The following NAV1 variants were observed in gnomAD, a reference collection of about 807,000 sequenced individuals.
The protein encoded by NAV1 is pore membrane and/or filament interacting like protein 3.
A neutral mutation model predicts 175.2 loss-of-function variants in NAV1; 18 were observed. The observed-to-expected ratio is 0.10, with a 90% CI of 0.07 to 0.15. The LOEUF is 0.15. Ranked by LOEUF, NAV1 falls within the 10% of genes least tolerant of loss-of-function variation. The pLI, the probability that NAV1 is intolerant of heterozygous loss-of-function variation, is 1.00. For synonymous variants in NAV1, 897 were observed against 978.7 expected (o/e 0.92, Z 1.56); for missense variants, 1,731 against 2,436.6 (o/e 0.71, Z 6.10).
intron 1 of NAV1, among the ~76,000 whole-genome samples, chr1:201,625,217 A>C (rs1367662549): frequency 1.3e-5 from 2 of 152,208 alleles, no homozygotes; most frequent in African/African-American, 4.8e-5. Flanking sequence ...TTGCTTTGGA[A>C]AGGAAGGCTT....
chr1:201,693,987 A>T (rs1227416603), intron 1 of NAV1, among the ~76,000 whole-genome samples: 17 of 152,230 alleles, frequency 1.1e-4, no homozygotes. Context: ...GCCTCCAGCC[A>T]GGGCTTGGTG....
At position 201,750,889 on chromosome 1, in the gene NAV1, G is replaced by A. The variant is rs1462673055; in HGVS notation, c.1227-29532G>A. On this transcript the variant is annotated intron_variant, in intron 3 of 29. Transcript: ENST00000367296. The surrounding 1 kb of genome is among the most constrained non-coding windows in gnomAD (Gnocchi z 4.1). ...CTGTATCAGAACAGGATGGAAGAAA[G>A]AGCAGGATGTTTTTATTTCTGTCTA... 6.6e-6 allele frequency among the ~76,000 whole-genome samples: 1 copy of A among 152,122 alleles called. No individual in the cohort carries two copies. Among genetic ancestry groups the A allele is most frequent in the Non-Finnish European group, 1.5e-5 (1 of 68,014 alleles).
intron 1 of NAV1, among the ~76,000 whole-genome samples, chr1:201,573,252 T>G (rs1666599698): frequency 6.6e-6 from 1 of 152,238 alleles, no homozygotes; most frequent in Admixed American, 6.5e-5. Context: ...GAGCTGACCC[T>G]GGAGTGCTGA....
chr1:201,643,232 TTC>T (rs1254679955), intron 2 of NAV1, among the ~76,000 whole-genome samples: 2 of 146,414 alleles, frequency 1.4e-5, no homozygotes, highest in Non-Finnish European at 3.0e-5. Flanking sequence ...TCCCTTTTCT[TTC>T]TTTCTTTCCT....
At chr1:201,716,927 G>T (rs749525420) in intron 2 of NAV1, among the ~76,000 whole-genome samples, 2 of 152,100 alleles carry the variant, frequency 1.3e-5, no homozygotes, top group Non-Finnish European at 2.9e-5. Context: ...GAGGGGAGCC[G>T]CTGGGCATGG....
exon 30 of NAV1, chr1:201,821,301 A>T (rs1193011360): frequency 6.6e-6 from 1 of 152,638 alleles, no homozygotes; most frequent in Non-Finnish European, 1.5e-5. Context: ...CACATATAAG[A>T]GATGAACATC....
intron 13 of NAV1, chr1:201,791,975 G>A (rs143633591): frequency 6.6e-6 from 1 of 152,134 alleles, no homozygotes; most frequent in Non-Finnish European, 1.5e-5. Flanking sequence ...GGAGATGCTG[G>A]GGGGGAGAGG....
intron 1 of NAV1, among the ~76,000 whole-genome samples, chr1:201,551,544 T>C (rs1665855450): frequency 6.6e-6 from 1 of 152,212 alleles, no homozygotes; most frequent in Admixed American, 6.5e-5. Flanking sequence ...GTGTCTTTAA[T>C]GGCTCATAGA....
At chr1:201,619,453 C>T (rs79212542), upstream of NAV1, among the ~76,000 whole-genome samples, 1,001 of 152,354 alleles carry the variant, frequency 6.6e-3, 18 homozygotes, top group African/African-American at 0.023. Context: ...TCTGGATTAT[C>T]TCACCAATAT....
chr1:201,666,259 G>A (rs1669820017), intron 1 of NAV1, among the ~76,000 whole-genome samples: 1 of 151,980 alleles, frequency 6.6e-6, no homozygotes, highest in South Asian at 2.1e-4. Flanking sequence ...ATATGTTCAG[G>A]GAATGCAAAC....
intron 2 of NAV1, among the ~76,000 whole-genome samples, chr1:201,633,952 G>A (rs1229207908): frequency 6.6e-5 from 10 of 152,168 alleles, no homozygotes; most frequent in African/African-American, 1.7e-4. Context: ...GAACTGGGAC[G>A]GGAGGTCATA....
chr1:201,574,840 G>C (rs73082597), intron 1 of NAV1, among the ~76,000 whole-genome samples: 3,970 of 152,296 alleles, frequency 0.026, 164 homozygotes, highest in African/African-American at 0.09. Context: ...TGGAAGGAAG[G>C]AGAGCTGCGG....
chr1:201,809,671 A>G lies in NAV1; in HGVS notation c.4401+134A>G. 3 of 841,704 alleles carry G rather than the reference A, an allele frequency of 3.6e-6. No homozygotes were observed. The South Asian group carries it at 5.2e-5, about 15-fold the overall frequency. 52.1% of individuals were successfully genotyped at this position (841,704 alleles called of 1,614,324 possible). ...TGATCACAGCTCACTGCAGCCTTGAACTCTTGGGCTTAAGTAATTCTCCTG... is the reference window on the plus strand; with the variant it reads ...TGATCACAGCTCACTGCAGCCTTGAGCTCTTGGGCTTAAGTAATTCTCCTG... On this transcript the variant is annotated intron_variant, in intron 22 of 29. Coordinates refer to ENST00000367296, the Ensembl canonical transcript of NAV1.
upstream of NAV1, among the ~76,000 whole-genome samples, chr1:201,620,226 G>A (rs1280009477): frequency 1.3e-5 from 2 of 152,278 alleles, no homozygotes; most frequent in East Asian, 3.9e-4. Flanking sequence ...TCCACAATAT[G>A]GAAGGGGGGA....
rs1676896362 is a variant in NAV1 at position 201,788,313 on chromosome 1, C to T, written c.2996-155C>T. On this transcript the variant is annotated intron_variant, in intron 9 of 29. Transcript: ENST00000367296. This position sits in a 1 kb window ranked among gnomAD's most constrained non-coding sequence, Gnocchi z 5.7. The stretch of plus-strand genomic sequence containing the variant: ...TAACCACCAGCTGCTTGCACACTCC[C>T]ACCACCGCACCTGCCCCTTCCTCTC... Among the ~76,000 whole-genome samples the T allele has an allele frequency of 6.6e-6, 1 of 152,098 alleles. No individual in the cohort carries two copies. Among genetic ancestry groups the T allele is most frequent in the Non-Finnish European group, 1.5e-5 (1 of 68,018 alleles).
intron 15 of NAV1, 132 bp from the exon 20 acceptor site, chr1:201,803,461 C>A: frequency 3.3e-6 from 3 of 904,674 alleles, no homozygotes; most frequent in Non-Finnish European, 4.9e-6. Context: ...ATGAATGATC[C>A]AAAAAAATGA....
chr1:201,683,927 C>T (rs1670568729), intron 1 of NAV1, among the ~76,000 whole-genome samples: 1 of 152,134 alleles, frequency 6.6e-6, no homozygotes, highest in Non-Finnish European at 1.5e-5. Context: ...TCTCTTCTCC[C>T]CCATTCATTC....
At chr1:201,697,151 G>A (rs552444949) in intron 1 of NAV1, among the ~76,000 whole-genome samples, 1 of 152,276 alleles carries the variant, frequency 6.6e-6, no homozygotes, top group Non-Finnish European at 1.5e-5. Context: ...GAGTTCCGGG[G>A]CCTTAGTCTA....
chr1:201,656,158 G>C (rs1325564596), intron 1 of NAV1, among the ~76,000 whole-genome samples: 3 of 152,236 alleles, frequency 2.0e-5, no homozygotes, highest in African/African-American at 7.2e-5. Context: ...GCAGGGTCTG[G>C]GCCTTGGCCT....
Sources: gnomAD v4.1 joint callset for allele counts (sites outside exome capture counted in the v4.1 genomes callset) on GRCh38, gnomAD v4.1.1 for gene constraint, Gnocchi (gnomAD v3.1) non-coding constraint, MANE v1.5 for transcripts, NCBI Gene and HGNC (gene_info 2026-07-23, HGNC 2026-07-21) for gene names.